EMX1: variants seen among roughly 807,000 people sequenced by gnomAD.
The protein encoded by EMX1 is empty spiracles homeobox 1.
EMX1 carries 10 observed loss-of-function variants against 20.1 expected under a neutral mutation model. That is an observed-to-expected ratio of 0.50 (90% CI 0.31 to 0.84). EMX1 has a LOEUF of 0.84. EMX1 is among the 40% of genes least tolerant of loss of function. The probability of loss-of-function intolerance (pLI) is 0.05; values close to 1 mark genes in which losing one functional copy is unlikely to be tolerated. For missense variants in EMX1, 424 were observed against 431.9 expected (o/e 0.98, Z 0.16); for synonymous variants, 250 against 200.4 (o/e 1.25, Z -2.09).
At chr2:72,929,249 A>G (rs1430178299) in intron 2 of EMX1, among the ~76,000 whole-genome samples, 1 of 152,162 alleles carries the variant, frequency 6.6e-6, no homozygotes, top group Admixed American at 6.5e-5. Context: ...AGGGGGAGAT[A>G]AAGGAGATTA....
intron 2 of EMX1, chr2:72,926,186 T>C (rs1393136909): frequency 1.0e-6 from 1 of 985,288 alleles, no homozygotes; most frequent in African/African-American, 1.7e-5. Flanking sequence ...AATGTCATTG[T>C]TTTTAAACTT....
In EMX1 at chr2:72,917,669, C is replaced by T. The variant is rs1670991263; in HGVS notation, c.-184C>T. ...GCAGCTCGCAGCCTAGCACGGAGCC[C>T]GCGCCTGTGCGGGCGCCTGGAGCTG... On this transcript the variant is annotated 5_prime_UTR_variant, in exon 1 of 3. Coordinates refer to ENST00000258106, the MANE Select transcript of EMX1 (RefSeq NM_004097.3). 3 of 350,672 alleles carry T rather than the reference C, an allele frequency of 8.6e-6. No homozygotes were observed. The highest frequency in any genetic ancestry group is 5.3e-5 in the Admixed American group (1 of 18,860). The allele number at this position is 350,672 out of a possible 1,614,324, so 21.7% of individuals were successfully genotyped here. A position where few individuals can be genotyped will look rare whatever the true frequency, so the allele number is the denominator to read the frequency against.
upstream of EMX1, among the ~76,000 whole-genome samples, chr2:72,917,259 T>G (rs1670979908): frequency 1.3e-5 from 2 of 151,086 alleles, no homozygotes; most frequent in Non-Finnish European, 3.0e-5. Flanking sequence ...CCCCAAGCCC[T>G]TCGGACGCCT....
At chr2:72,922,139 T>G (rs977936501) in intron 1 of EMX1, among the ~76,000 whole-genome samples, 1 of 152,232 alleles carries the variant, frequency 6.6e-6, no homozygotes, top group African/African-American at 2.4e-5. Context: ...ACCCTGCCAA[T>G]GCTGGGATGA....
upstream of EMX1, chr2:72,916,437 C>A (rs1670963224): frequency 1.3e-5 from 7 of 553,850 alleles, no homozygotes; most frequent in Non-Finnish European, 1.6e-5. Context: ...GCCTCCCCAC[C>A]GCCGCCCGCG....
chr2:72,927,745 G>A (rs748606147), intron 2 of EMX1, among the ~76,000 whole-genome samples: 2 of 152,234 alleles, frequency 1.3e-5, no homozygotes, highest in African/African-American at 2.4e-5. Flanking sequence ...GGCCAAGCCT[G>A]TCTGTTTCTT....
chr2:72,917,575 CG>C lies in EMX1; in HGVS notation c.-273del. On this transcript the variant is annotated 5_prime_UTR_variant, in exon 1 of 3. Coordinates refer to ENST00000258106, the MANE Select transcript of EMX1 (RefSeq NM_004097.3). ...GCTGGGCAGGGCAGTGCGGGGACAC[CG>C]GGGGCTGGGGTCGGTCCCAGCGGGA... 2 of 203,376 alleles carry C rather than the reference CG, an allele frequency of 9.8e-6. No homozygotes were observed. The highest frequency in any genetic ancestry group is 2.3e-5 in the African/African-American group (1 of 43,036). The allele number at this position is 203,376 out of a possible 1,614,324, so 12.6% of individuals were successfully genotyped here.
At chr2:72,921,061 C>A (rs1671095068) in intron 1 of EMX1, among the ~76,000 whole-genome samples, 1 of 151,922 alleles carries the variant, frequency 6.6e-6, no homozygotes, top group East Asian at 1.9e-4. Flanking sequence ...GGCCCTGAGC[C>A]CCTGGCCGGC....
At chr2:72,931,481 G>A (rs1383588734) in intron 2 of EMX1, among the ~76,000 whole-genome samples, 4 of 152,172 alleles carry the variant, frequency 2.6e-5, no homozygotes, top group African/African-American at 9.6e-5. Context: ...CCTGAGTCAC[G>A]CACAGGAGGC....
chr2:72,916,633 G>A (rs1670966740), upstream of EMX1: 4 of 697,144 alleles, frequency 5.7e-6, no homozygotes, highest in South Asian at 1.5e-5. Flanking sequence ...TGAAGGTCGA[G>A]GGAGGTCAGG....
At chr2:72,928,531 G>C (rs867964064) in intron 2 of EMX1, among the ~76,000 whole-genome samples, 16 of 152,282 alleles carry the variant, frequency 1.1e-4, no homozygotes, top group Admixed American at 2.6e-4. Context: ...GTTAGTTTTA[G>C]GGGGAGTGAG....
Position 72,917,637 on chromosome 2 carries a change from C to G in EMX1, c.-216C>G, listed in dbSNP as rs1022985457. The G allele has an allele frequency of 3.8e-6, 1 of 262,276 alleles. No homozygotes were observed. Among genetic ancestry groups the G allele is most frequent in the African/African-American group, 2.3e-5 (1 of 44,182 alleles). The allele number at this position is 262,276 out of a possible 1,614,324, so 16.2% of individuals were successfully genotyped here. On this transcript the variant is annotated 5_prime_UTR_variant, in exon 1 of 3. Transcript: ENST00000258106. The stretch of plus-strand genomic sequence containing the variant: ...AGGGAGACGAGCTCAACCCTCGGGC[C>G]TTACTGGCAGCTCGCAGCCTAGCAC...
At chr2:72,916,859 C>T (rs774186569), upstream of EMX1, 1 of 717,250 alleles carries the variant, frequency 1.4e-6, no homozygotes. Flanking sequence ...CGTGTCTGGG[C>T]ACTGGAGCTG....
rs1670998419 is a variant in EMX1, at chr2:72,917,917, C to T, written c.65C>T (p.Ala22Val). 6.7e-7 allele frequency: 1 copy of T among 1,484,262 alleles called. No homozygotes were observed. The highest frequency in any genetic ancestry group is 1.5e-5 in the African/African-American group (1 of 68,554). 91.9% of individuals were successfully genotyped at this position (1,484,262 alleles called of 1,614,324 possible). A position where few individuals can be genotyped will look rare whatever the true frequency, so the allele number is the denominator to read the frequency against. The change falls in exon 1 of 3, where the codon GCC (alanine) becomes GTC (valine). Residue 22 changes from alanine (A) to valine (V), a missense_variant. Ala to Val is a moderately conservative substitution (Grantham distance 64). Coordinates refer to ENST00000258106, the MANE Select transcript of EMX1 (RefSeq NM_004097.3). ...AAPGRGALPR[A>V]RLPRTAPAAA... ...CCAGGACGCGGAGCGCTCCCCAGAG[C>T]CCGGCTGCCTCGCACAGCTCCCGCG...
intron 1 of EMX1, 51 bp from the exon 2 acceptor site, chr2:72,924,258 C>G: frequency 6.5e-7 from 1 of 1,541,050 alleles, no homozygotes; most frequent in Non-Finnish European, 8.7e-7. Context: ...TCACGGCGCC[C>G]CTTCTCTCTG....
rs946236435 is a variant in EMX1 at position 72,930,164 on chromosome 2, G to A, written c.706-3623G>A. Among the ~76,000 whole-genome samples the A allele has an allele frequency of 6.6e-6, 1 of 152,182 alleles. No individual in the cohort carries two copies. Among genetic ancestry groups the A allele is most frequent in the Non-Finnish European group, 1.5e-5 (1 of 68,040 alleles). On this transcript the variant is annotated intron_variant, in intron 2 of 2. Transcript: ENST00000258106. The surrounding 1 kb of genome is among the most constrained non-coding windows in gnomAD (Gnocchi z 4.4). Reference sequence around the variant, plus strand: ...TACCTCTTGCCTAGAGCATAGGCTTGTCCAGCCAGATGACTATACATGGAA... The same window carrying A: ...TACCTCTTGCCTAGAGCATAGGCTTATCCAGCCAGATGACTATACATGGAA...
At chr2:72,917,466 C>T (rs1330522813), upstream of EMX1, 8 of 195,938 alleles carry the variant, frequency 4.1e-5, no homozygotes, top group Non-Finnish European at 7.2e-5. Flanking sequence ...CCGCCCCCCA[C>T]CTTGGGGCAG....
rs1670990728 is a variant in EMX1 at position 72,917,636 on chromosome 2, C to T, written c.-217C>T. 3 of 258,734 alleles carry T rather than the reference C, an allele frequency of 1.2e-5. No individual in the cohort carries two copies. Among genetic ancestry groups the T allele is most frequent in the Non-Finnish European group, 2.1e-5 (3 of 142,520 alleles). The allele number at this position is 258,734 out of a possible 1,614,324, so 16.0% of individuals were successfully genotyped here. On this transcript the variant is annotated 5_prime_UTR_variant, in exon 1 of 3. Coordinates refer to ENST00000258106, the MANE Select transcript of EMX1 (RefSeq NM_004097.3). ...GAGGGAGACGAGCTCAACCCTCGGGCCTTACTGGCAGCTCGCAGCCTAGCA... is the reference window on the plus strand; with the variant it reads ...GAGGGAGACGAGCTCAACCCTCGGGTCTTACTGGCAGCTCGCAGCCTAGCA...
At chr2:72,919,924 G>A (rs183056436) in intron 1 of EMX1, among the ~76,000 whole-genome samples, 190 of 152,372 alleles carry the variant, frequency 1.2e-3, no homozygotes, top group African/African-American at 4.3e-3. Flanking sequence ...CGAAGCCTGG[G>A]TCTCGAAACC....
Sources: allele counts gnomAD v4.1 joint callset (sites outside exome capture counted in the v4.1 genomes callset), GRCh38; gene constraint gnomAD v4.1.1; non-coding constraint Gnocchi (gnomAD v3.1); transcripts MANE v1.5; gene names NCBI Gene and HGNC (gene_info 2026-07-23, HGNC 2026-07-21).